The following PTBP3 variants were observed in gnomAD, a reference collection of about 807,000 sequenced individuals.
PTBP3 encodes polypyrimidine tract binding protein 3, also known as polypyrimidine tract-binding protein 3.
In PTBP3, 20 loss-of-function variants were observed where a neutral mutation model predicts 58.7. That is an observed-to-expected ratio of 0.34 (90% CI 0.24 to 0.50). The LOEUF (loss-of-function observed/expected upper bound fraction) is 0.50, where lower values mean the gene tolerates loss of function less well. Ranked by LOEUF, PTBP3 falls within the 20% of genes least tolerant of loss-of-function variation. The probability of loss-of-function intolerance (pLI) is 0.98; values close to 1 mark genes in which losing one functional copy is unlikely to be tolerated. For synonymous variants in PTBP3, 185 were observed against 219.8 expected, an observed-to-expected ratio of 0.84 and a Z score of 1.40; for missense variants, 509 against 637.2, an observed-to-expected ratio of 0.80 and a Z score of 2.17.
chr9:112,273,606 C>T (rs1408613456), intron 3 of PTBP3, among the ~76,000 whole-genome samples: 1 of 152,154 alleles, frequency 6.6e-6, no homozygotes, highest in Non-Finnish European at 1.5e-5. Flanking sequence ...ATTTCATGTG[C>T]TAAAATAATT....
chr9:112,259,541 C>A (rs895060106), intron 5 of PTBP3, among the ~76,000 whole-genome samples: 1 of 152,196 alleles, frequency 6.6e-6, no homozygotes, highest in African/African-American at 2.4e-5. Flanking sequence ...TCCACATACA[C>A]ATATAACTTA....
At chr9:112,317,175 G>A (rs1829743248) in intron 1 of PTBP3, among the ~76,000 whole-genome samples, 2 of 151,874 alleles carry the variant, frequency 1.3e-5, no homozygotes, top group African/African-American at 4.8e-5. Flanking sequence ...AACCCAGGAG[G>A]CAGAGGTTGC....
Position 112,320,314 on chromosome 9 carries a change from A to ATTTT in PTBP3, c.-52+13152_-52+13155dup, listed in dbSNP as rs67226574. Among the ~76,000 whole-genome samples the ATTTT allele has an allele frequency of 3.0e-3, 229 of 75,428 alleles. 1 individual carries two copies. The highest frequency in any genetic ancestry group is 0.019 in the Middle Eastern group (2 of 106). 49.5% of individuals were successfully genotyped at this position (75,428 alleles called of 152,430 possible). Reference sequence around the variant, plus strand: ...AAAATATATATATATATATATATATATTTTTTTTTAAGTGTTATCACCAGA... The same window carrying ATTTT: ...AAAATATATATATATATATATATATATTTTTTTTTTTTTAAGTGTTATCACCAGA... On this transcript the variant is annotated intron_variant, in intron 1 of 13. Transcript: ENST00000374257.
intron 1 of PTBP3, among the ~76,000 whole-genome samples, chr9:112,301,179 C>G (rs1828918434): frequency 6.6e-6 from 1 of 151,990 alleles, no homozygotes; most frequent in Admixed American, 6.5e-5. Context: ...AAAGACAACC[C>G]ATTGGATTTG....
chr9:112,317,424 G>A (rs1169870530), intron 1 of PTBP3, among the ~76,000 whole-genome samples: 1 of 150,938 alleles, frequency 6.6e-6, no homozygotes, highest in East Asian at 2.0e-4. Context: ...ATCAAGTCAA[G>A]AAAAGCAAAT....
intron 2 of PTBP3, among the ~76,000 whole-genome samples, chr9:112,277,946 T>TAACATAATATAAC (rs1564427648): frequency 1.3e-3 from 78 of 58,166 alleles, no homozygotes; most frequent in East Asian, 4.8e-3. Flanking sequence ...CATAACATAA[T>TAACATAATATAAC]ATAACATAAC....
intron 9 of PTBP3, 66 bp downstream of exon 9, chr9:112,232,015 AGAAGAAAAGAAAAGAAAG>A: frequency 1.3e-6 from 1 of 760,066 alleles, no homozygotes; most frequent in Non-Finnish European, 1.8e-6. Context: ...AGAAGAGAAG[AGAAGAAAAGAAAAGAAAG>A]AAAGAAAAAA....
chr9:112,356,449 T>C, the PTBP3 span, among the ~76,000 whole-genome samples: 3 of 152,048 alleles, frequency 2.0e-5, no homozygotes. Flanking sequence ...TAAGAAGTAG[T>C]GGGTAAGCCA....
At chr9:112,265,240 C>T (rs1273288042) in intron 4 of PTBP3, among the ~76,000 whole-genome samples, 3 of 152,040 alleles carry the variant, frequency 2.0e-5, no homozygotes, top group African/African-American at 7.2e-5. Context: ...CAGTGGCTCA[C>T]GCCCATAATC....
upstream of PTBP3, among the ~76,000 whole-genome samples, chr9:112,337,018 G>A (rs1302798697): frequency 6.6e-6 from 1 of 152,092 alleles, no homozygotes; most frequent in Non-Finnish European, 1.5e-5. Context: ...TAAATTCAAA[G>A]AACTTTTTGT....
At chr9:112,377,928 C>T in the PTBP3 span, among the ~76,000 whole-genome samples, 1,240 of 152,334 alleles carry the variant, frequency 8.1e-3, 6 homozygotes, top group Non-Finnish European at 0.014. Flanking sequence ...CTTTTCATTT[C>T]TACTATTACT....
At chr9:112,348,549 G>A in the PTBP3 span, among the ~76,000 whole-genome samples, 2 of 152,260 alleles carry the variant, frequency 1.3e-5, no homozygotes, top group Non-Finnish European at 2.9e-5. Flanking sequence ...GCAAGCCACT[G>A]CGCATGCGCA....
chr9:112,265,087 G>GT (rs1210974663), intron 4 of PTBP3, among the ~76,000 whole-genome samples: 1 of 152,108 alleles, frequency 6.6e-6, no homozygotes. Context: ...TTCCAAGTGT[G>GT]TTTTTTGGGG....
Position 112,280,214 on chromosome 9 carries a change from C to A in PTBP3, c.35-4201G>T, listed in dbSNP as rs1363219234. 3.3e-5 allele frequency among the ~76,000 whole-genome samples: 5 copies of A among 152,092 alleles called. No homozygotes were observed. The East Asian group carries it at 9.6e-4, about 29-fold the overall frequency. ...GGATTATAGGTGCACACCACCACGC[C>A]CAGCTAATTTTTGTATTTTTAGTAG... On this transcript the variant is annotated intron_variant, in intron 2 of 13. Transcript: ENST00000374257.
the PTBP3 span, among the ~76,000 whole-genome samples, chr9:112,355,774 C>A: frequency 1.3e-5 from 2 of 151,948 alleles, no homozygotes; most frequent in Non-Finnish European, 2.9e-5. Context: ...CATGCGCCAC[C>A]GCGCCTGGCT....
At chr9:112,326,607 T>C (rs937606520) in intron 1 of PTBP3, among the ~76,000 whole-genome samples, 3 of 152,266 alleles carry the variant, frequency 2.0e-5, no homozygotes, top group Non-Finnish European at 4.4e-5. Flanking sequence ...TTTTTCATAC[T>C]CATCTACTCA....
At chr9:112,269,364 T>A (rs926940973) in intron 3 of PTBP3, among the ~76,000 whole-genome samples, 1 of 151,150 alleles carries the variant, frequency 6.6e-6, no homozygotes, top group African/African-American at 2.4e-5. Flanking sequence ...ATACCCAGAG[T>A]CTTAAACAGA....
At chr9:112,285,654 A>C (rs978963557) in intron 2 of PTBP3, among the ~76,000 whole-genome samples, 2 of 152,252 alleles carry the variant, frequency 1.3e-5, no homozygotes, top group African/African-American at 4.8e-5. Context: ...TAAACAAATA[A>C]TATAACTGTG....
At chr9:112,375,870 G>C in the PTBP3 span, among the ~76,000 whole-genome samples, 9 of 152,104 alleles carry the variant, frequency 5.9e-5, no homozygotes, top group African/African-American at 2.2e-4. Context: ...CCAGTAACAG[G>C]CTAAGAGCTG....
Sources: gnomAD v4.1 joint callset for allele counts (sites outside exome capture counted in the v4.1 genomes callset) on GRCh38, gnomAD v4.1.1 for gene constraint, MANE v1.5 for transcripts, NCBI Gene and HGNC (gene_info 2026-07-23, HGNC 2026-07-21) for gene names.